SERINC5: variants seen among roughly 807,000 people sequenced by gnomAD.
The protein encoded by SERINC5 is chromosome 5 open reading frame 12.
In SERINC5, 41 loss-of-function variants were observed where a neutral mutation model predicts 63.1. The ratio of observed to expected loss-of-function variants is 0.65; its 90% CI spans 0.51 to 0.84. The LOEUF (loss-of-function observed/expected upper bound fraction) is 0.84. Ranked by LOEUF, SERINC5 falls within the 40% of genes least tolerant of loss-of-function variation. The pLI is 0.00. For synonymous variants in SERINC5, 222 were observed against 215.2 expected, an observed-to-expected ratio of 1.03 and a Z score of -0.28; for missense variants, 523 against 573.0, an observed-to-expected ratio of 0.91 and a Z score of 0.89.
chr5:80,230,198 C>T (rs765834674), intron 1 of SERINC5, among the ~76,000 whole-genome samples: 2 of 152,088 alleles, frequency 1.3e-5, no homozygotes, highest in Non-Finnish European at 2.9e-5. Flanking sequence ...TGGCCAGGCA[C>T]GGTGGTTCAT....
chr5:80,223,271 T>C (rs1174852955), intron 1 of SERINC5, among the ~76,000 whole-genome samples: 1 of 152,250 alleles, frequency 6.6e-6, no homozygotes, highest in Non-Finnish European at 1.5e-5. Context: ...AAAATTCTCA[T>C]ATGCTCAAGT....
intron 6 of SERINC5, 69 bp from the exon 7 acceptor site, chr5:80,166,547 C>T: frequency 1.0e-6 from 1 of 991,090 alleles, no homozygotes; most frequent in Non-Finnish European, 1.6e-6. Context: ...CCTAAAAAAC[C>T]TGATAGTCCC....
chr5:80,253,479 C>A (rs1561458532), intron 1 of SERINC5, among the ~76,000 whole-genome samples: 1 of 152,200 alleles, frequency 6.6e-6, no homozygotes. Flanking sequence ...CTTCTAAGTG[C>A]AAATCAAACC....
At chr5:80,213,087 A>G (rs1022425709) in intron 1 of SERINC5, among the ~76,000 whole-genome samples, 4 of 152,032 alleles carry the variant, frequency 2.6e-5, no homozygotes, top group African/African-American at 4.8e-5. Flanking sequence ...TCTACTAAAA[A>G]TACAAAAAAT....
intron 1 of SERINC5, among the ~76,000 whole-genome samples, chr5:80,222,952 T>C (rs1288385459): frequency 6.6e-6 from 1 of 152,108 alleles, no homozygotes; most frequent in East Asian, 1.9e-4. Flanking sequence ...CTCGACCTCC[T>C]GGGCTCATGT....
intron 8 of SERINC5, among the ~76,000 whole-genome samples, chr5:80,155,257 G>A (rs951834155): frequency 6.6e-6 from 1 of 152,210 alleles, no homozygotes; most frequent in African/African-American, 2.4e-5. Flanking sequence ...GGTGTGGAGG[G>A]ATGCGCCTAT....
rs116406224 is a variant in SERINC5 at position 80,216,060 on chromosome 5, G to C, written c.28-13007C>G. Among the ~76,000 whole-genome samples the C allele has an allele frequency of 5.9e-3, 901 of 152,246 alleles. 7 individuals carry two copies. Among genetic ancestry groups the C allele is most frequent in the African/African-American group, 0.021 (854 of 41,544 alleles). ...TATCACACTTGATACATTTTAGCAG[G>C]TTGGTGAGATCTATAAGGTTTGAGG... On this transcript the variant is annotated intron_variant, in intron 1 of 11. Coordinates refer to ENST00000507668, the MANE Select transcript of SERINC5 (RefSeq NM_001174072.3).
rs184247611 is a variant in SERINC5 at position 80,217,585 on chromosome 5, C to T, written c.28-14532G>A. Among the ~76,000 whole-genome samples, 237 of 152,270 alleles carry T rather than the reference C, an allele frequency of 1.6e-3. 1 individual carries two copies. Among genetic ancestry groups the T allele is most frequent in the Admixed American group, 0.014 (216 of 15,294 alleles). ...CGAGTGAGCTCTTCTCCCCACCAAA[C>T]GAAATTCTATGCACAATATGTAACA... On this transcript the variant is annotated intron_variant, in intron 1 of 11. Transcript: ENST00000507668.
At chr5:80,173,225 A>AGAAC (rs1747778960) in intron 5 of SERINC5, among the ~76,000 whole-genome samples, 1 of 137,748 alleles carries the variant, frequency 7.3e-6, no homozygotes, top group African/African-American at 2.7e-5. Flanking sequence ...CAGGAAGGAA[A>AGAAC]GAAGGAAGGA....
chr5:80,144,787 T>C (rs918259099), intron 11 of SERINC5, among the ~76,000 whole-genome samples: 1 of 152,228 alleles, frequency 6.6e-6, no homozygotes, highest in Non-Finnish European at 1.5e-5. Context: ...TGCTGGACTA[T>C]AAATCCTGCC....
At chr5:80,189,925 G>A (rs1393461106) in intron 2 of SERINC5, among the ~76,000 whole-genome samples, 1 of 151,946 alleles carries the variant, frequency 6.6e-6, no homozygotes, top group Non-Finnish European at 1.5e-5. Context: ...TGCACAGGCT[G>A]GTCTCAAATT....
rs902403633 is a variant in SERINC5 at position 80,227,459 on chromosome 5, C to T, written c.28-24406G>A. 3.3e-5 allele frequency among the ~76,000 whole-genome samples: 5 copies of T among 152,094 alleles called. No homozygotes were observed. The East Asian group carries it at 9.7e-4, about 29-fold the overall frequency. On this transcript the variant is annotated intron_variant, in intron 1 of 11. Transcript: ENST00000507668. ...GTCTCTAGAGAGTCACAGCACACCT[C>T]ATAATAAAACTGTGTTTACAGCCGG...
intron 1 of SERINC5, among the ~76,000 whole-genome samples, chr5:80,220,727 G>C (rs1463088333): frequency 3.3e-5 from 5 of 152,038 alleles, no homozygotes; most frequent in Non-Finnish European, 7.4e-5. Flanking sequence ...AGGAATCTGA[G>C]GGCTCCAGAC....
At chr5:80,235,584 A>AT (rs998902026) in intron 1 of SERINC5, among the ~76,000 whole-genome samples, 1 of 151,748 alleles carries the variant, frequency 6.6e-6, no homozygotes, top group Non-Finnish European at 1.5e-5. Flanking sequence ...TTTAATGGTA[A>AT]TTTTTTTGTT....
chr5:80,177,388 G>C lies in SERINC5; in HGVS notation c.384C>G (p.Phe128Leu). 6.2e-7 allele frequency: 1 copy of C among 1,613,028 alleles called. No individual in the cohort carries two copies. The stretch of plus-strand genomic sequence containing the variant: ...TGGCCCCCAACAGCAGAAGTTTAAA[G>C]AACCAAAAGCTAGAAGTGGGGGGAA... ...CRAHIHNGFW[F>L]FKLLLLGAMC... Residue 128 changes from phenylalanine (F) to leucine (L), a missense_variant, in exon 4 of 12, where the codon TTC (phenylalanine) becomes TTG (leucine). Physicochemically the swap from Phe to Leu is conservative, Grantham distance 22. Coordinates refer to ENST00000507668, the MANE Select transcript of SERINC5 (RefSeq NM_001174072.3).
intron 11 of SERINC5, among the ~76,000 whole-genome samples, chr5:80,117,203 C>G (rs1744364285): frequency 6.6e-6 from 1 of 152,082 alleles, no homozygotes; most frequent in African/African-American, 2.4e-5. Context: ...ACTGCGTAAG[C>G]CAAGACTCTG....
At chr5:80,187,167 A>G (rs1271225454) in intron 2 of SERINC5, among the ~76,000 whole-genome samples, 2 of 152,108 alleles carry the variant, frequency 1.3e-5, no homozygotes, top group African/African-American at 4.8e-5. Flanking sequence ...CTCCATCTCA[A>G]AAAAAAGAAA....
At chr5:80,240,249 T>A (rs78099946) in intron 1 of SERINC5, among the ~76,000 whole-genome samples, 16,486 of 152,146 alleles carry the variant, frequency 0.11, 1,098 homozygotes, top group Middle Eastern at 0.18. Context: ...ATGTTACAAC[T>A]TTCCATCCAA....
intron 2 of SERINC5, among the ~76,000 whole-genome samples, chr5:80,180,723 A>G (rs1331385112): frequency 6.6e-6 from 1 of 152,212 alleles, no homozygotes; most frequent in Non-Finnish European, 1.5e-5. Flanking sequence ...TCCGCTATAA[A>G]AGAGATATGA....
Sources: allele counts gnomAD v4.1 joint callset (sites outside exome capture counted in the v4.1 genomes callset), GRCh38; gene constraint gnomAD v4.1.1; transcripts MANE v1.5; gene names NCBI Gene and HGNC (gene_info 2026-07-23, HGNC 2026-07-21).